HPSE2: variants seen among roughly 807,000 people sequenced by gnomAD.
HPSE2 encodes the protein inactive heparanase-2.
HPSE2 carries 38 observed loss-of-function variants against 60.5 expected under a neutral mutation model. The ratio of observed to expected loss-of-function variants is 0.63; its 90% confidence interval spans 0.48 to 0.82. The LOEUF is 0.82. HPSE2 is among the 40% of genes least tolerant of loss of function. The pLI, the probability that HPSE2 is intolerant of heterozygous loss-of-function variation, is 0.00. For synonymous variants in HPSE2, 295 were observed against 293.2 expected (o/e 1.01, Z -0.06); for missense variants, 713 against 740.4 (o/e 0.96, Z 0.43).
At chr10:99,185,690 C>T (rs1323835658) in intron 2 of HPSE2, among the ~76,000 whole-genome samples, 1 of 151,512 alleles carries the variant, frequency 6.6e-6, no homozygotes, top group Middle Eastern at 3.4e-3. Context: ...AGGAGAATGG[C>T]GTGAACCCGG....
At chr10:99,269,617 G>C in the HPSE2 span, among the ~76,000 whole-genome samples, 10 of 152,046 alleles carry the variant, frequency 6.6e-5, no homozygotes, top group African/African-American at 2.4e-4. Flanking sequence ...TTAATGTTAC[G>C]CTAGAACTTA....
chr10:98,859,349 C>T (rs1952397593), intron 3 of HPSE2, among the ~76,000 whole-genome samples: 1 of 152,038 alleles, frequency 6.6e-6, no homozygotes, highest in Non-Finnish European at 1.5e-5. Context: ...CTTGTCTGGG[C>T]TAAGGGATGT....
At chr10:98,759,832 G>A (rs1400056727) in intron 3 of HPSE2, among the ~76,000 whole-genome samples, 1 of 152,048 alleles carries the variant, frequency 6.6e-6, no homozygotes, top group Non-Finnish European at 1.5e-5. Context: ...TGTGAAAAAT[G>A]CCATTGGAAT....
chr10:98,861,219 C>T (rs1342073734), intron 3 of HPSE2, among the ~76,000 whole-genome samples: 2 of 152,118 alleles, frequency 1.3e-5, no homozygotes, highest in African/African-American at 4.8e-5. Context: ...TATAGCCAAA[C>T]AGGATAATTG....
intron 4 of HPSE2, among the ~76,000 whole-genome samples, chr10:98,730,661 G>A (rs1043400109): frequency 4.0e-5 from 6 of 151,496 alleles, no homozygotes; most frequent in African/African-American, 1.5e-4. Context: ...AAGTTGATAA[G>A]GAACTACTAT....
intron 1 of HPSE2, 132 bp from the exon 2 acceptor site, chr10:99,232,637 C>A (rs1014910213): frequency 9.5e-7 from 1 of 1,055,834 alleles, no homozygotes. Flanking sequence ...CCTGCCCCAG[C>A]CGGCAGTCCA....
At chr10:98,543,122 T>C (rs574695326) in intron 9 of HPSE2, among the ~76,000 whole-genome samples, 62 of 151,974 alleles carry the variant, frequency 4.1e-4, no homozygotes, top group South Asian at 1.3e-3. Context: ...AGACTAACAG[T>C]GGATCTCTTG....
chr10:98,750,813 T>A (rs1388496424), intron 3 of HPSE2, among the ~76,000 whole-genome samples: 2 of 152,120 alleles, frequency 1.3e-5, no homozygotes, highest in Non-Finnish European at 2.9e-5. Flanking sequence ...TCCTTAGATG[T>A]ATAGGTAAAT....
chr10:98,849,101 T>G (rs1469202128), intron 3 of HPSE2, among the ~76,000 whole-genome samples: 2 of 152,008 alleles, frequency 1.3e-5, no homozygotes, highest in Non-Finnish European at 2.9e-5. Context: ...TTTTTTAAAA[T>G]GAAGAAACTG....
rs1466274894 is a variant in HPSE2, at chr10:98,960,742, T to TTTA, written c.610+183495_610+183496insTAA. Among the ~76,000 whole-genome samples, 71 of 36,536 alleles carry TTTA rather than the reference T, an allele frequency of 1.9e-3. 2 individuals are homozygous for TTTA. The highest frequency in any genetic ancestry group is 0.012 in the Middle Eastern group (1 of 82). The allele number at this position is 36,536 out of a possible 152,430, so 24.0% of individuals were successfully genotyped here. On this transcript the variant is annotated intron_variant, in intron 3 of 11. Coordinates refer to ENST00000370552, the MANE Select transcript of HPSE2 (RefSeq NM_021828.5). ...TTTTGTTTTATTTTTTTTATTTTAT[T>TTTA]TTTTTTTTTATTATACTCTAAGTTT...
chr10:98,914,259 G>C (rs73332065), intron 3 of HPSE2, among the ~76,000 whole-genome samples: 1 of 151,974 alleles, frequency 6.6e-6, no homozygotes, highest in Non-Finnish European at 1.5e-5. Context: ...CACCATCCAC[G>C]TAAAAATGTG....
At chr10:98,771,676 A>G (rs1260344249) in intron 3 of HPSE2, among the ~76,000 whole-genome samples, 1 of 152,230 alleles carries the variant, frequency 6.6e-6, no homozygotes, top group African/African-American at 2.4e-5. Flanking sequence ...CAAGGGGGCC[A>G]GGATGTACAA....
intron 3 of HPSE2, among the ~76,000 whole-genome samples, chr10:99,132,135 AAGAAAGAAAG>A (rs1845410795): frequency 9.1e-5 from 6 of 65,840 alleles, no homozygotes; most frequent in East Asian, 1.1e-3. Context: ...AAAGAAAGGA[AAGAAAGAAAG>A]GAAGAAAGAA....
intron 3 of HPSE2, among the ~76,000 whole-genome samples, chr10:99,081,620 T>TGATGATGAG (rs754585810): frequency 6.7e-6 from 1 of 148,994 alleles, no homozygotes; most frequent in African/African-American, 2.5e-5. Context: ...ATGATGATGA[T>TGATGATGAG]GAGATAATAT....
At chr10:99,076,577 G>A (rs184358438) in intron 3 of HPSE2, among the ~76,000 whole-genome samples, 298 of 152,094 alleles carry the variant, frequency 2.0e-3, no homozygotes, top group Non-Finnish European at 3.6e-3. Context: ...TAGTGGAGAC[G>A]GGCTTTTGTC....
At chr10:99,008,080 GT>G (rs1328292330) in intron 3 of HPSE2, among the ~76,000 whole-genome samples, 2 of 152,170 alleles carry the variant, frequency 1.3e-5, no homozygotes, top group African/African-American at 4.8e-5. Context: ...TTTCCTCTAA[GT>G]TCTTGCAGCT....
chr10:98,804,896 T>TATAA (rs1173971492), intron 3 of HPSE2, among the ~76,000 whole-genome samples: 4 of 152,178 alleles, frequency 2.6e-5, no homozygotes, highest in Non-Finnish European at 5.9e-5. Flanking sequence ...GTCCATAACA[T>TATAA]ATAAATAAAT....
At chr10:99,059,437 T>C (rs1958184478) in intron 3 of HPSE2, among the ~76,000 whole-genome samples, 1 of 152,200 alleles carries the variant, frequency 6.6e-6, no homozygotes, top group African/African-American at 2.4e-5. Context: ...ACTTGCCCAT[T>C]CTTTTTATAC....
chr10:99,135,028 C>G (rs1404669478), intron 3 of HPSE2, among the ~76,000 whole-genome samples: 1 of 151,702 alleles, frequency 6.6e-6, no homozygotes. Flanking sequence ...GAATATTTAC[C>G]AAGGAAATGG....
Sources: gnomAD v4.1 joint callset for allele counts (sites outside exome capture counted in the v4.1 genomes callset) on GRCh38, gnomAD v4.1.1 for gene constraint, MANE v1.5 for transcripts, NCBI Gene and HGNC (gene_info 2026-07-23, HGNC 2026-07-21) for gene names.